Variants in ZNF366 observed in about 807,000 individuals in gnomAD.
ZNF366 encodes the protein zinc finger protein 366.
ZNF366 carries 20 observed loss-of-function variants against 47.2 expected under a neutral mutation model. The observed-to-expected ratio is 0.42, with a 90% CI of 0.30 to 0.62. ZNF366 has a LOEUF of 0.62. ZNF366 is among the 20% of genes least tolerant of loss of function. The pLI, the probability that ZNF366 is intolerant of heterozygous loss-of-function variation, is 0.16. For synonymous variants in ZNF366, 421 were observed against 395.1 expected, an observed-to-expected ratio of 1.07 and a Z score of -0.78; for missense variants, 987 against 976.3, an observed-to-expected ratio of 1.01 and a Z score of -0.15.
At chr5:72,489,266 G>A (rs10056751) in intron 1 of ZNF366, among the ~76,000 whole-genome samples, 25,122 of 152,136 alleles carry the variant, frequency 0.17, 2,537 homozygotes, top group East Asian at 0.38. Context: ...ATTATTTTCT[G>A]TCTGTCTGCC....
intron 3 of ZNF366, among the ~76,000 whole-genome samples, chr5:72,447,703 G>A (rs16878610): frequency 0.036 from 5,470 of 152,208 alleles, 302 homozygotes; most frequent in African/African-American, 0.12. Context: ...GAGAAGAGCT[G>A]ATCTAAAAAG....
chr5:72,461,369 G>T lies in ZNF366; in HGVS notation c.128C>A (p.Pro43His). ...ASRGKAPQRH[P>H]FPEALRGPFS... ...TGGCCCTCGGAGAGCTTCCGGGAAG[G>T]GGTGTCTTTGGGGAGCCTTTCCCCG... Residue 43 changes from proline to histidine, a missense_variant, in exon 2 of 5, where the codon CCC (proline) becomes CAC (histidine). This residue lies in a region of ZNF366 where 591 missense variants were observed against 560.9 expected (regional missense o/e 1.05). Transcript: ENST00000318442. 1 of 1,614,020 alleles carries T rather than the reference G, an allele frequency of 6.2e-7. No individual in the cohort carries two copies.
At chr5:72,490,582 G>A (rs1178828241) in intron 1 of ZNF366, among the ~76,000 whole-genome samples, 1 of 152,140 alleles carries the variant, frequency 6.6e-6, no homozygotes, top group African/African-American at 2.4e-5. Flanking sequence ...GCACTGTGCT[G>A]GGCATGGAGG....
rs188688331 is a variant in ZNF366 at position 72,444,079 on chromosome 5, G to C, written c.1912C>G (p.Gln638Glu). The C allele has an allele frequency of 3.7e-6, 6 of 1,614,092 alleles. No individual in the cohort carries two copies. The South Asian group carries it at 5.5e-5, about 15-fold the overall frequency. ...VEPYSPGLAP[Q>E]SQQLCTPEDL... Reference sequence around the variant, plus strand: ...TCGGGTGTGCAGAGCTGCTGGCTCTGGGGGGCCAGGCCAGGGCTGTAGGGC... The same window carrying C: ...TCGGGTGTGCAGAGCTGCTGGCTCTCGGGGGCCAGGCCAGGGCTGTAGGGC... The change falls in exon 5 of 5, where the codon CAG becomes GAG. Residue 638 changes from glutamine to glutamate, a missense_variant. Physicochemically the swap from Gln to Glu is conservative, Grantham distance 29. Around this residue, in one of 3 missense-constraint regions of ZNF366, gnomAD observed 285 missense variants for 234.8 expected, o/e 1.21. Coordinates refer to ENST00000318442, the MANE Select transcript of ZNF366 (RefSeq NM_152625.3).
chr5:72,495,832 C>T (rs1744102190), intron 1 of ZNF366, among the ~76,000 whole-genome samples: 1 of 152,180 alleles, frequency 6.6e-6, no homozygotes, highest in Non-Finnish European at 1.5e-5. Context: ...TCAACCACCC[C>T]ACCCCACCCT....
chr5:72,496,542 T>C (rs551484931), intron 1 of ZNF366, among the ~76,000 whole-genome samples: 134 of 152,246 alleles, frequency 8.8e-4, no homozygotes, highest in African/African-American at 3.1e-3. Flanking sequence ...CACCAATTTA[T>C]GAGCCTTTGG....
chr5:72,499,479 C>CTT (rs894702691), intron 1 of ZNF366, among the ~76,000 whole-genome samples: 1,454 of 111,840 alleles, frequency 0.013, 3 homozygotes, highest in Non-Finnish European at 0.015. Context: ...GGAATCCTGC[C>CTT]TTTTTTTTTT....
intron 1 of ZNF366, among the ~76,000 whole-genome samples, chr5:72,478,009 G>A (rs926476862): frequency 1.3e-5 from 2 of 152,038 alleles, no homozygotes; most frequent in Non-Finnish European, 2.9e-5. Flanking sequence ...AAATATTTGA[G>A]GGTTTGTTTT....
Position 72,444,027 on chromosome 5 carries a change from G to A in ZNF366, c.1964C>T (p.Ala655Val), listed in dbSNP as rs571394031. The A allele has an allele frequency of 6.2e-7, 1 of 1,614,168 alleles. No individual in the cohort carries two copies. Among genetic ancestry groups the A allele is most frequent in the Non-Finnish European group, 8.5e-7 (1 of 1,180,030 alleles). The change falls in exon 5 of 5, where the codon GCC (alanine) becomes GTC (valine). Residue 655 changes from alanine (A) to valine (V), a missense_variant. Coordinates refer to ENST00000318442, the MANE Select transcript of ZNF366 (RefSeq NM_152625.3). ...PEDLSTKSEH[A>V]PEVLEEACKE... ...GCAGGCTTCCTCCAGCACCTCGGGG[G>A]CGTGCTCCGACTTGGTGGACAGATC... is the stretch of plus-strand genomic sequence containing the variant.
At chr5:72,464,064 C>T (rs967695550) in intron 1 of ZNF366, among the ~76,000 whole-genome samples, 20 of 152,110 alleles carry the variant, frequency 1.3e-4, no homozygotes, top group Non-Finnish European at 2.8e-4. Context: ...ATTGCAGAGC[C>T]CATCGAGAAG....
At position 72,443,910 on chromosome 5, in the gene ZNF366, GCA is replaced by G; in HGVS notation, c.2079_2080del (p.Ala694ArgfsTer4). On this transcript the variant is annotated frameshift_variant, in exon 5 of 5. Transcript: ENST00000318442. LOFTEE classifies it high-confidence loss of function. ...GAGACTGAGACACTCATCTCTGCCG[GCA>G]CAGTCTCTCTCCTGGCCGCCCTCTG... The G allele has an allele frequency of 1.2e-6, 2 of 1,614,174 alleles. No individual in the cohort carries two copies. Among genetic ancestry groups the G allele is most frequent in the Non-Finnish European group, 8.5e-7 (1 of 1,180,030 alleles).
At position 72,444,189 on chromosome 5, in the gene ZNF366, A is replaced by T. The variant is rs768873325; in HGVS notation, c.1802T>A (p.Val601Glu). The change falls in exon 5 of 5, where the codon GTG (valine) becomes GAG (glutamate). Residue 601 changes from valine (V) to glutamate (E), a missense_variant. Val to Glu is a moderately radical substitution (Grantham distance 121). Coordinates refer to ENST00000318442, the MANE Select transcript of ZNF366 (RefSeq NM_152625.3). ...FDLSQKRRAK[V>E]PVFQSDGESA... The stretch of plus-strand genomic sequence containing the variant: ...CTCCCCGTCTGACTGGAACACCGGC[A>T]CCTTGGCCCGGCGCTTCTGAGAGAG... 1 of 1,613,272 alleles carries T rather than the reference A, an allele frequency of 6.2e-7. No individual in the cohort carries two copies. Among genetic ancestry groups the T allele is most frequent in the Non-Finnish European group, 8.5e-7 (1 of 1,180,012 alleles).
chr5:72,490,927 G>T (rs1368621596), intron 1 of ZNF366, among the ~76,000 whole-genome samples: 1 of 152,174 alleles, frequency 6.6e-6, no homozygotes, highest in African/African-American at 2.4e-5. Context: ...AAAGAAGCCT[G>T]CCCTGAGACC....
At chr5:72,480,858 A>C (rs1367099636) in intron 1 of ZNF366, among the ~76,000 whole-genome samples, 1 of 152,228 alleles carries the variant, frequency 6.6e-6, no homozygotes, top group Non-Finnish European at 1.5e-5. Flanking sequence ...ATTCTGTAGA[A>C]ATTCATGGAA....
chr5:72,480,042 G>C (rs1011353300), intron 1 of ZNF366, among the ~76,000 whole-genome samples: 2 of 152,210 alleles, frequency 1.3e-5, no homozygotes, highest in African/African-American at 4.8e-5. Flanking sequence ...CACGGTCCAA[G>C]GCTCATCTAA....
intron 1 of ZNF366, among the ~76,000 whole-genome samples, chr5:72,499,368 G>A (rs1464037844): frequency 6.6e-6 from 1 of 151,972 alleles, no homozygotes; most frequent in African/African-American, 2.4e-5. Context: ...CCAGATCTCT[G>A]AAAAGCCAGG....
At chr5:72,504,941 G>T (rs774474832) in intron 1 of ZNF366, among the ~76,000 whole-genome samples, 1 of 152,196 alleles carries the variant, frequency 6.6e-6, no homozygotes, top group Non-Finnish European at 1.5e-5. Flanking sequence ...AGTAGGCAAC[G>T]AAGCTGAAAT....
Position 72,460,717 on chromosome 5 carries a change from C to G in ZNF366, c.780G>C (p.Lys260Asn). 6.2e-7 allele frequency: 1 copy of G among 1,614,236 alleles called. No individual in the cohort carries two copies. The highest frequency in any genetic ancestry group is 8.5e-7 in the Non-Finnish European group (1 of 1,180,038). The change falls in exon 2 of 5, where the codon AAG becomes AAC. Residue 260 changes from lysine (K) to asparagine (N), a missense_variant. Physicochemically the swap from Lys to Asn is moderately conservative, Grantham distance 94. Around this residue, in one of 3 missense-constraint regions of ZNF366, gnomAD observed 591 missense variants for 560.9 expected, o/e 1.05. Transcript: ENST00000318442. Reference protein sequence around the residue: ...QKRWQCPTCEKSYTSKYNLVT... With the variant: ...QKRWQCPTCENSYTSKYNLVT... ...CCAGGTTGTACTTGGAGGTGTAGGA[C>G]TTCTCGCAGGTGGGGCACTGCCAGC...
At chr5:72,462,067 G>A (rs10447170) in intron 1 of ZNF366, among the ~76,000 whole-genome samples, 24,344 of 152,182 alleles carry the variant, frequency 0.16, 2,029 homozygotes, top group Non-Finnish European at 0.18. Context: ...GGCCTTTGCT[G>A]CTGGAAAATG....
Sources: allele counts gnomAD v4.1 joint callset (sites outside exome capture counted in the v4.1 genomes callset), GRCh38; gene constraint gnomAD v4.1.1; regional missense constraint gnomAD v4.1.1; transcripts MANE v1.5; gene names NCBI Gene and HGNC (gene_info 2026-07-23, HGNC 2026-07-21).